QSOX1: variants seen among roughly 807,000 people sequenced by gnomAD.
QSOX1 encodes quiescin sulfhydryl oxidase 1.
QSOX1 carries 40 observed loss-of-function variants against 76.1 expected under a neutral mutation model. The ratio of observed to expected loss-of-function variants is 0.53; its 90% CI spans 0.41 to 0.68. The LOEUF is 0.68. Ranked by LOEUF, QSOX1 falls within the 30% of genes least tolerant of loss-of-function variation. The pLI is 0.00. For missense variants in QSOX1, 931 were observed against 974.3 expected (o/e 0.96, Z 0.59); for synonymous variants, 392 against 413.1 (o/e 0.95, Z 0.62).
chr1:180,155,023 C>G lies in QSOX1; in HGVS notation c.116C>G (p.Ser39Cys). The change falls in exon 1 of 12, where the codon TCC (serine) becomes TGC (cysteine). Residue 39 changes from serine to cysteine, a missense_variant. Transcript: ENST00000367602. ...CCGCGGTCGGCGCTCTATTCGCCTT[C>G]CGACCCGCTGACGCTGCTGCAGGCG... ...AAPRSALYSP[S>C]DPLTLLQADT... 1 of 1,514,026 alleles carries G rather than the reference C, an allele frequency of 6.6e-7. No homozygotes were observed. The highest frequency in any genetic ancestry group is 8.8e-7 in the Non-Finnish European group (1 of 1,138,396). The allele number at this position is 1,514,026 out of a possible 1,614,324, so 93.8% of individuals were successfully genotyped here.
chr1:180,165,439 C>T (rs1662591389), intron 1 of QSOX1, among the ~76,000 whole-genome samples: 1 of 152,256 alleles, frequency 6.6e-6, no homozygotes, highest in African/African-American at 2.4e-5. Flanking sequence ...TCCCATGCCT[C>T]CCAAAAACCC....
At chr1:180,180,424 G>A (rs1439410959) in intron 5 of QSOX1, among the ~76,000 whole-genome samples, 1 of 152,158 alleles carries the variant, frequency 6.6e-6, no homozygotes, top group Non-Finnish European at 1.5e-5. Flanking sequence ...TGGTCAGGCT[G>A]GTCTCAAACT....
chr1:180,191,311 G>C (rs1207345415), intron 10 of QSOX1, among the ~76,000 whole-genome samples: 1 of 152,224 alleles, frequency 6.6e-6, no homozygotes, highest in Non-Finnish European at 1.5e-5. Flanking sequence ...CTAGGGCCGT[G>C]GTGGAGAGAA....
intron 4 of QSOX1, among the ~76,000 whole-genome samples, chr1:180,178,381 C>T (rs1224112375): frequency 6.6e-6 from 1 of 152,220 alleles, no homozygotes; most frequent in Non-Finnish European, 1.5e-5. Flanking sequence ...GTGCCCGCCA[C>T]CACACCCAGC....
At position 180,189,594 on chromosome 1, in the gene QSOX1, G is replaced by T. The variant is rs148353050; in HGVS notation, c.1060G>T (p.Val354Leu). ...RPLVQNFLHS[V>L]NEWLKRQKRN... ...CTTAGTCCAGAACTTCCTGCACTCC[G>T]TGAATGAATGGCTCAAGAGGCAGAA... The change falls in exon 9 of 12, where the codon GTG becomes TTG. Residue 354 changes from valine (V) to leucine (L), a missense_variant. By Grantham distance (32) the Val-to-Leu change is conservative. Transcript: ENST00000367602. 3.5e-5 allele frequency: 57 copies of T among 1,613,278 alleles called. No individual in the cohort carries two copies. Among genetic ancestry groups the T allele is most frequent in the Non-Finnish European group, 1.0e-5 (12 of 1,179,562 alleles).
At chr1:180,162,964 C>A (rs1572038373) in intron 1 of QSOX1, among the ~76,000 whole-genome samples, 1 of 152,266 alleles carries the variant, frequency 6.6e-6, no homozygotes, top group East Asian at 1.9e-4. Flanking sequence ...CACAGGGAAT[C>A]ATCTTGATGA....
intron 1 of QSOX1, among the ~76,000 whole-genome samples, chr1:180,162,743 A>C (rs1250176040): frequency 6.6e-6 from 1 of 152,220 alleles, no homozygotes; most frequent in Non-Finnish European, 1.5e-5. Context: ...ATCTCAAAAC[A>C]AAAACAAAAA....
At chr1:180,188,898 G>A (rs952845997) in intron 8 of QSOX1, among the ~76,000 whole-genome samples, 1 of 152,172 alleles carries the variant, frequency 6.6e-6, no homozygotes, top group Non-Finnish European at 1.5e-5. Flanking sequence ...ACACACATAT[G>A]TCCTCCTCCC....
chr1:180,198,808 G>A lies in QSOX1; in HGVS notation c.*1771G>A. ...GAGACAGACAGGAACCCACAATCAG[G>A]AGGCAACCCTGGCCTGCAAGAGGAA... is the stretch of plus-strand genomic sequence containing the variant. On this transcript the variant is annotated 3_prime_UTR_variant, in exon 12 of 12. Coordinates refer to ENST00000367602, the MANE Select transcript of QSOX1 (RefSeq NM_002826.5). The A allele has an allele frequency of 4.6e-6, 1 of 218,828 alleles. No individual in the cohort carries two copies. Among genetic ancestry groups the A allele is most frequent in the Non-Finnish European group, 9.4e-6 (1 of 106,924 alleles). 13.6% of individuals were successfully genotyped at this position (218,828 alleles called of 1,614,324 possible).
intron 5 of QSOX1, among the ~76,000 whole-genome samples, chr1:180,180,806 C>G (rs764050725): frequency 6.6e-6 from 1 of 152,216 alleles, no homozygotes; most frequent in African/African-American, 2.4e-5. Context: ...TGAGCCACCA[C>G]GCCCGGCCTG....
intron 4 of QSOX1, among the ~76,000 whole-genome samples, chr1:180,177,651 G>A (rs1482226261): frequency 6.6e-6 from 1 of 152,212 alleles, no homozygotes; most frequent in Non-Finnish European, 1.5e-5. Context: ...AGTGGGGAAA[G>A]GGGTACTGGC....
rs776574445 is a variant in QSOX1 at position 180,197,008 on chromosome 1, A to T, written c.2215A>T (p.Lys739Ter). 6.2e-7 allele frequency: 1 copy of T among 1,611,908 alleles called. No homozygotes were observed. The highest frequency in any genetic ancestry group is 1.7e-5 in the Admixed American group (1 of 59,730). The change falls in exon 12 of 12, where the codon AAG (lysine) becomes TAG (stop). Residue 739 changes from lysine (K) to a stop codon, truncating the protein, a stop_gained. Coordinates refer to ENST00000367602, the MANE Select transcript of QSOX1 (RefSeq NM_002826.5). LOFTEE classifies it high-confidence loss of function. ...TYFQAKIRAL[K>*]GHAGHPAA Reference sequence around the variant, plus strand: ...CTTCCAGGCCAAGATAAGGGCCCTGAAGGGCCATGCTGGCCACCCTGCAGC... The same window carrying T: ...CTTCCAGGCCAAGATAAGGGCCCTGTAGGGCCATGCTGGCCACCCTGCAGC...
rs1448441221 is a variant in QSOX1 at position 180,196,372 on chromosome 1, A to G, written c.1579A>G (p.Thr527Ala). ...LDVPVWDVEA[T>A]LNFLKAHFSP... is the part of the protein sequence containing the mutation. ...TGTGCCCGTGTGGGACGTGGAAGCC[A>G]CCCTCAACTTCCTCAAGGCCCACTT... The change falls in exon 12 of 12, where the codon ACC (threonine) becomes GCC (alanine). Residue 527 changes from threonine to alanine, a missense_variant. By Grantham distance (58) the Thr-to-Ala change is moderately conservative. Coordinates refer to ENST00000367602, the MANE Select transcript of QSOX1 (RefSeq NM_002826.5). The surrounding 1 kb of genome is among the most constrained non-coding windows in gnomAD (Gnocchi z 4.1). 2.4e-5 allele frequency: 38 copies of G among 1,613,928 alleles called. No homozygotes were observed. In the Admixed American group the frequency reaches 6.0e-4, roughly 25 times the overall value.
intron 2 of QSOX1, among the ~76,000 whole-genome samples, chr1:180,170,491 C>T (rs79466164): frequency 0.11 from 17,005 of 152,170 alleles, 1,289 homozygotes; most frequent in Middle Eastern, 0.2. Flanking sequence ...CTTTTGGCCC[C>T]AAGATAGCAG....
At chr1:180,174,948 G>A (rs906877906) in intron 2 of QSOX1, among the ~76,000 whole-genome samples, 2 of 151,918 alleles carry the variant, frequency 1.3e-5, no homozygotes, top group Admixed American at 1.3e-4. Flanking sequence ...TCAGGAGTTC[G>A]AGATCAGCCT....
Position 180,194,314 on chromosome 1 carries a change from A to G in QSOX1, c.1390A>G (p.Met464Val), listed in dbSNP as rs781341728. Residue 464 changes from methionine to valine, a missense_variant, in exon 11 of 12, where the codon ATG (methionine) becomes GTG (valine). By Grantham distance (21) the Met-to-Val change is conservative. Coordinates refer to ENST00000367602, the MANE Select transcript of QSOX1 (RefSeq NM_002826.5). ...SHFEQMAAAS[M>V]HRVGSPNAAV... ...CTTCGAGCAGATGGCTGCTGCCTCC[A>G]TGCACCGGGTGGGGAGTCCCAACGC... is the stretch of plus-strand genomic sequence containing the variant. The G allele has an allele frequency of 1.9e-6, 3 of 1,611,122 alleles. No individual in the cohort carries two copies. The highest frequency in any genetic ancestry group is 1.3e-5 in the African/African-American group (1 of 74,998).
rs1202346760 is a variant in QSOX1 at position 180,200,897 on chromosome 1, T to TC, written c.*3863dup. 4 of 152,222 alleles carry TC rather than the reference T, an allele frequency of 2.6e-5. No individual in the cohort carries two copies. In the East Asian group the frequency reaches 7.7e-4, roughly 29 times the overall value. 9.4% of individuals were successfully genotyped at this position (152,222 alleles called of 1,614,324 possible). ...GGTGCTGCTGGGTGCCAGCCCTTCT[T>TC]CCCTCCAACAGTGGCAGTAACCACT... On this transcript the variant is annotated 3_prime_UTR_variant, in exon 12 of 12. Transcript: ENST00000367602.
At chr1:180,194,108 G>A (rs1272432575) in intron 10 of QSOX1, 105 bp from the exon 11 acceptor site, 1 of 1,066,160 alleles carries the variant, frequency 9.4e-7, no homozygotes, top group Non-Finnish European at 1.4e-6. Flanking sequence ...ACCTGTGCAG[G>A]GGTGGCCACG....
chr1:180,168,163 C>T (rs1354748106), intron 2 of QSOX1, among the ~76,000 whole-genome samples: 2 of 152,252 alleles, frequency 1.3e-5, no homozygotes, highest in African/African-American at 2.4e-5. Flanking sequence ...CGGCCTAGGC[C>T]CAGGAGGTCA....
Sources: allele counts gnomAD v4.1 joint callset (sites outside exome capture counted in the v4.1 genomes callset), GRCh38; gene constraint gnomAD v4.1.1; non-coding constraint Gnocchi (gnomAD v3.1); transcripts MANE v1.5; gene names NCBI Gene and HGNC (gene_info 2026-07-23, HGNC 2026-07-21).